Variants in CASK observed in about 807,000 individuals in gnomAD.
CASK encodes calcium/calmodulin dependent serine protein kinase.
In CASK, 4 loss-of-function variants were observed where a neutral mutation model predicts 82.9. That is an observed-to-expected ratio of 0.05 (90% confidence interval 0.02 to 0.11). CASK has a LOEUF of 0.11. Ranked by LOEUF, CASK falls within the 10% of genes least tolerant of loss-of-function variation. The pLI, the probability that CASK is intolerant of heterozygous loss-of-function variation, is 1.00. For synonymous variants in CASK, 259 were observed against 253.5 expected, an observed-to-expected ratio of 1.02 and a Z score of -0.20; for missense variants, 358 against 720.9, an observed-to-expected ratio of 0.50 and a Z score of 5.76.
chrX:41,643,434 C>T (rs185455946), intron 8 of CASK, among the ~76,000 whole-genome samples: 214 of 111,560 alleles, frequency 1.9e-3, no homozygotes, highest in Admixed American at 2.0e-3. Context: ...TTGTTTGTGT[C>T]CTCATTTATT....
intron 4 of CASK, among the ~76,000 whole-genome samples, chrX:41,740,237 CTCTT>C (rs2068571725): frequency 8.9e-6 from 1 of 111,815 alleles, no homozygotes. Context: ...TGCCCTATTA[CTCTT>C]TCTCTGAGTA....
At chrX:41,680,672 A>T (rs2067337681) in intron 5 of CASK, among the ~76,000 whole-genome samples, 1 of 110,536 alleles carries the variant, frequency 9.0e-6, no homozygotes, top group East Asian at 2.8e-4. Flanking sequence ...TAATCTCAGC[A>T]ATTTGGAAGG....
At chrX:41,784,648 C>A (rs753974399) in intron 3 of CASK, among the ~76,000 whole-genome samples, 2 of 111,508 alleles carry the variant, frequency 1.8e-5, no homozygotes, top group East Asian at 2.8e-4. Flanking sequence ...GAGGCCGAGG[C>A]GGGCAGATCA....
chrX:41,774,790 T>A (rs1323895732), intron 3 of CASK, among the ~76,000 whole-genome samples: 1 of 110,198 alleles, frequency 9.1e-6, no homozygotes, highest in Non-Finnish European at 1.9e-5. Context: ...GGGGAAAGGA[T>A]TCCCTATTTA....
At chrX:41,649,948 A>G (rs763004148) in intron 8 of CASK, among the ~76,000 whole-genome samples, 2 of 111,584 alleles carry the variant, frequency 1.8e-5, no homozygotes, top group South Asian at 7.5e-4. Flanking sequence ...TATTGGGTGC[A>G]TATATATTTA....
At chrX:41,922,000 G>C (rs2072791522) in intron 1 of CASK, among the ~76,000 whole-genome samples, 1 of 111,066 alleles carries the variant, frequency 9.0e-6, no homozygotes, top group Non-Finnish European at 1.9e-5. Context: ...GCTGTGTTAG[G>C]AAATCAACTT....
chrX:41,557,629 A>C (rs1239198462), intron 18 of CASK, among the ~76,000 whole-genome samples: 2 of 111,825 alleles, frequency 1.8e-5, no homozygotes, highest in Non-Finnish European at 3.8e-5. Context: ...TAAGGGTAAA[A>C]GAGATATACA....
chrX:41,848,868 G>A (rs1185343904), intron 2 of CASK, among the ~76,000 whole-genome samples: 2 of 111,932 alleles, frequency 1.8e-5, no homozygotes, highest in Non-Finnish European at 3.8e-5. Flanking sequence ...ATTATACAAT[G>A]CTATGAAGTT....
In CASK at chrX:41,636,558, T is replaced by G; in HGVS notation, c.915+20A>C. The G allele has an allele frequency of 9.7e-7, 1 of 1,034,522 alleles. No homozygotes were observed. The highest frequency in any genetic ancestry group is 1.4e-6 in the Non-Finnish European group (1 of 734,041). The allele number at this position is 1,034,522 out of a possible 1,213,427, so 85.3% of individuals were successfully genotyped here. A position where few individuals can be genotyped will look rare whatever the true frequency, so the allele number is the denominator to read the frequency against. On this transcript the variant is annotated intron_variant, in intron 9 of 26. Transcript: ENST00000378163. ...ATTAACTATATCTGTTTGGCTTTTTTGCTGATTTGTTTAATTTACCTTTAG... is the reference window on the plus strand; with the variant it reads ...ATTAACTATATCTGTTTGGCTTTTTGGCTGATTTGTTTAATTTACCTTTAG...
chrX:41,887,463 T>C (rs536659833), intron 1 of CASK, among the ~76,000 whole-genome samples: 2 of 110,761 alleles, frequency 1.8e-5, no homozygotes, highest in Admixed American at 1.9e-4. Context: ...GGCACTTAAA[T>C]ATTCTAGACA....
intron 2 of CASK, among the ~76,000 whole-genome samples, chrX:41,827,566 G>A (rs1029569974): frequency 1.8e-5 from 2 of 111,760 alleles, no homozygotes; most frequent in Non-Finnish European, 3.8e-5. Context: ...CCATCACCTC[G>A]ACAATTAGGA....
intron 2 of CASK, among the ~76,000 whole-genome samples, chrX:41,829,712 T>G (rs5917452): frequency 4.5e-4 from 3 of 6,689 alleles, no homozygotes; most frequent in East Asian, 9.1e-3. Context: ...TATATATATA[T>G]ATATATATAT....
rs1311731487 is a variant in CASK, at chrX:41,517,086, C to T, written c.*3334G>A. The T allele has an allele frequency of 8.9e-6, 1 of 112,819 alleles. No individual in the cohort carries two copies. Among genetic ancestry groups the T allele is most frequent in the African/African-American group, 3.2e-5 (1 of 31,019 alleles). The allele number at this position is 112,819 out of a possible 1,213,427, so 9.3% of individuals were successfully genotyped here. ...CAGATCAAAGGCTGTAAAAAGGTAA[C>T]AGTAGCTGCAGCCCAGGCCTGCCTG... On this transcript the variant is annotated 3_prime_UTR_variant, in exon 27 of 27. Coordinates refer to ENST00000378163, the MANE Select transcript of CASK (RefSeq NM_001367721.1).
Position 41,745,605 on chromosome X carries a change from T to TA in CASK, c.279-5dup. On this transcript the variant is annotated splice_polypyrimidine_tract_variant and splice_region_variant and intron_variant, in intron 3 of 26. Transcript: ENST00000378163. Reference sequence around the variant, plus strand: ...ACACAGATCTGCTCCATCCATACTGTAAAAAAATGTGAAAAAGAACATAAG... The same window carrying TA: ...ACACAGATCTGCTCCATCCATACTGTAAAAAAAATGTGAAAAAGAACATAAG... 8.6e-7 allele frequency: 1 copy of TA among 1,168,388 alleles called. No homozygotes were observed. The highest frequency in any genetic ancestry group is 1.2e-6 in the Non-Finnish European group (1 of 857,131).
chrX:41,787,039 C>T (rs1260286604), intron 3 of CASK, 139 bp downstream of exon 3: 12 of 497,543 alleles, frequency 2.4e-5, no homozygotes, highest in Non-Finnish European at 4.0e-5. Context: ...ATGACATAAT[C>T]CTTTTTTCTT....
chrX:41,828,270 T>C (rs2070709736), intron 2 of CASK, among the ~76,000 whole-genome samples: 1 of 111,646 alleles, frequency 9.0e-6, no homozygotes, highest in Non-Finnish European at 1.9e-5. Context: ...TAAATTTTCT[T>C]TGGATTTTAT....
At chrX:41,551,140 G>C (rs2065091954) in intron 21 of CASK, among the ~76,000 whole-genome samples, 1 of 111,749 alleles carries the variant, frequency 8.9e-6, no homozygotes. Context: ...TTTGCCTTCA[G>C]AGACTTTCTG....
intron 8 of CASK, among the ~76,000 whole-genome samples, chrX:41,647,424 C>T (rs1602405236): frequency 1.8e-5 from 2 of 112,003 alleles, no homozygotes; most frequent in Middle Eastern, 9.2e-3. Flanking sequence ...GATCAGGTGG[C>T]AGAAAATCTT....
rs2067255800 is a variant in CASK, at chrX:41,675,735, C to T, written c.430-4205G>A. On this transcript the variant is annotated intron_variant, in intron 5 of 26. Coordinates refer to ENST00000378163, the MANE Select transcript of CASK (RefSeq NM_001367721.1). The stretch of plus-strand genomic sequence containing the variant: ...CTACTGTGTAAATTTTAGAATGAGG[C>T]ACACAAAAGTTGGAAGGCCGGTTAA... 3.4e-6 allele frequency: 4 copies of T among 1,187,740 alleles called. No homozygotes were observed. The East Asian group carries it at 1.2e-4, about 35-fold the overall frequency.
Sources: gnomAD v4.1 joint callset for allele counts (sites outside exome capture counted in the v4.1 genomes callset) on GRCh38, gnomAD v4.1.1 for gene constraint, MANE v1.5 for transcripts, NCBI Gene and HGNC (gene_info 2026-07-23, HGNC 2026-07-21) for gene names.